Variants in FCHO1 observed in about 807,000 individuals in gnomAD.
The protein encoded by FCHO1 is FCH and mu domain containing endocytic adaptor 1, also known as F-BAR domain only protein 1.
A neutral mutation model predicts 114.4 loss-of-function variants in FCHO1; 45 were observed. The ratio of observed to expected loss-of-function variants is 0.39; its 90% CI spans 0.31 to 0.50. The LOEUF (loss-of-function observed/expected upper bound fraction) is 0.50. Among genes scored for constraint, FCHO1 ranks in the 20% least tolerant of loss-of-function variants. The pLI is 0.77. For synonymous variants in FCHO1, 480 were observed against 488.9 expected (o/e 0.98, Z 0.24); for missense variants, 1,042 against 1,209.6 (o/e 0.86, Z 2.06).
chr19:17,768,788 G>A (rs575263519), intron 7 of FCHO1, among the ~76,000 whole-genome samples: 1 of 151,820 alleles, frequency 6.6e-6, no homozygotes, highest in East Asian at 1.9e-4. Flanking sequence ...ATCTGCCTCA[G>A]CCTTCCAAAA....
intron 4 of FCHO1, 146 bp downstream of exon 4, chr19:17,755,337 C>A: frequency 1.3e-6 from 1 of 768,024 alleles, no homozygotes; most frequent in Non-Finnish European, 2.1e-6. Flanking sequence ...AAGAGTCAGG[C>A]TGGGTTTGAA....
In FCHO1 at chr19:17,775,076, CA is replaced by C. The variant is rs1400912270; in HGVS notation, c.942del (p.Thr316HisfsTer16). ...PAAVDFLEPD[S>X]GTCPEVDEEG... The stretch of plus-strand genomic sequence containing the variant: ...CCCAGAGATTTCCTGGAGCCCGATT[CA>C]GGGGTGAGTGATGTGGGAGGGGTCA... On this transcript the variant is annotated frameshift_variant, in exon 14 of 29. Coordinates refer to ENST00000596536, the MANE Select transcript of FCHO1 (RefSeq NM_015122.3). LOFTEE classifies it high-confidence loss of function. The surrounding 1 kb of genome is among the most constrained non-coding windows in gnomAD (Gnocchi z 5.1). 6.2e-7 allele frequency: 1 copy of C among 1,613,182 alleles called. No individual in the cohort carries two copies. Among genetic ancestry groups the C allele is most frequent in the Non-Finnish European group, 8.5e-7 (1 of 1,179,614 alleles).
At chr19:17,770,385 A>G (rs2091144116) in intron 7 of FCHO1, 40 bp from the exon 8 acceptor site, 1 of 1,572,176 alleles carries the variant, frequency 6.4e-7, no homozygotes, top group Non-Finnish European at 8.7e-7. Flanking sequence ...GAGGTCAGGA[A>G]TTTCACAGTC....
Position 17,770,915 on chromosome 19 carries a change from TACCTTTAA to T in FCHO1, c.594+20_594+27del. ...AGCCCTGGTAAGAACCAGGCATCTG[TACCTTTAA>T]GACCCACACATGCCTTTGCCCTGGA... is the stretch of plus-strand genomic sequence containing the variant. On this transcript the variant is annotated intron_variant, in intron 9 of 28. Transcript: ENST00000596536. 6.2e-7 allele frequency: 1 copy of T among 1,602,528 alleles called. No individual in the cohort carries two copies.
Position 17,764,332 on chromosome 19 carries a change from C to T in FCHO1, c.120-43C>T, listed in dbSNP as rs201119223. The stretch of plus-strand genomic sequence containing the variant: ...CTGGGATTACAGGCGTGAACCACTG[C>T]GCCCGGGCAGTTTCTCCATCTTTAC... On this transcript the variant is annotated intron_variant, in intron 5 of 28. Coordinates refer to ENST00000596536, the MANE Select transcript of FCHO1 (RefSeq NM_015122.3). 6.9e-5 allele frequency: 110 copies of T among 1,591,802 alleles called. No individual in the cohort carries two copies. In the East Asian group the frequency reaches 1.8e-3, roughly 26 times the overall value.
In FCHO1 at chr19:17,784,035, G is replaced by T. The variant is rs974916242; in HGVS notation, c.2094-68G>T. 3 of 1,562,640 alleles carry T rather than the reference G, an allele frequency of 1.9e-6. No homozygotes were observed. Among genetic ancestry groups the T allele is most frequent in the African/African-American group, 1.4e-5 (1 of 73,916 alleles). ...GAAATTGCATCTTTAGGAAGGGGTAGATTGAATGCTGGGAGCCCTGGGAGG... is the reference window on the plus strand; with the variant it reads ...GAAATTGCATCTTTAGGAAGGGGTATATTGAATGCTGGGAGCCCTGGGAGG... On this transcript the variant is annotated intron_variant, in intron 24 of 28. Coordinates refer to ENST00000596536, the MANE Select transcript of FCHO1 (RefSeq NM_015122.3). The surrounding 1 kb of genome is among the most constrained non-coding windows in gnomAD (Gnocchi z 5.3).
At chr19:17,757,915 C>CAAAA (rs71162192) in intron 4 of FCHO1, among the ~76,000 whole-genome samples, 1 of 77,912 alleles carries the variant, frequency 1.3e-5, no homozygotes. Flanking sequence ...GACCCTGTCT[C>CAAAA]AAAAAAAAAA....
Position 17,762,924 on chromosome 19 carries a change from C to T in FCHO1, c.119+71C>T, listed in dbSNP as rs531693702. The T allele has an allele frequency of 1.1e-4, 112 of 1,051,264 alleles. No individual in the cohort carries two copies. The Admixed American group carries it at 1.3e-3, about 12-fold the overall frequency. The allele number at this position is 1,051,264 out of a possible 1,614,324, so 65.1% of individuals were successfully genotyped here. Reference sequence around the variant, plus strand: ...TGTAGTCACGCCCACCTAATGGCTACGCCCTGCATGGTCAGGGGCTAGAAC... The same window carrying T: ...TGTAGTCACGCCCACCTAATGGCTATGCCCTGCATGGTCAGGGGCTAGAAC... On this transcript the variant is annotated intron_variant, in intron 5 of 28. Coordinates refer to ENST00000596536, the MANE Select transcript of FCHO1 (RefSeq NM_015122.3).
intron 7 of FCHO1, among the ~76,000 whole-genome samples, chr19:17,769,908 AATC>A (rs1302216840): frequency 6.6e-6 from 1 of 152,112 alleles, no homozygotes; most frequent in Non-Finnish European, 1.5e-5. Flanking sequence ...TCACACCTGT[AATC>A]CCAACACTTT....
intron 9 of FCHO1, among the ~76,000 whole-genome samples, chr19:17,771,766 T>C (rs771876611): frequency 6.6e-6 from 1 of 152,232 alleles, no homozygotes; most frequent in African/African-American, 2.4e-5. Context: ...GTTTCAGTCA[T>C]AGCTGAATCC....
intron 23 of FCHO1, among the ~76,000 whole-genome samples, chr19:17,782,432 G>A (rs1225222523): frequency 6.6e-6 from 1 of 152,154 alleles, no homozygotes; most frequent in Non-Finnish European, 1.5e-5. Context: ...TCGAACTCCT[G>A]GCCTCAAGTA....
Position 17,781,271 on chromosome 19 carries a change from C to T in FCHO1, c.1668C>T (p.Gly556=). ...CTGCTGACCCCACAGCCAGGGAGGGCCTGGCAGCCCCACCCAGGAGACTTC... is the reference window on the plus strand; with the variant it reads ...CTGCTGACCCCACAGCCAGGGAGGGTCTGGCAGCCCCACCCAGGAGACTTC... ...PAPADPTARE[G]LAAPPRRLRS... The change falls in exon 21 of 29, where the codon GGC becomes GGT. Residue 556 remains glycine (G), a synonymous_variant. Transcript: ENST00000596536. The T allele has an allele frequency of 6.2e-7, 1 of 1,613,986 alleles. No individual in the cohort carries two copies. The highest frequency in any genetic ancestry group is 8.5e-7 in the Non-Finnish European group (1 of 1,179,930).
At chr19:17,760,624 C>T (rs990725636) in intron 4 of FCHO1, among the ~76,000 whole-genome samples, 4 of 152,102 alleles carry the variant, frequency 2.6e-5, no homozygotes, top group Non-Finnish European at 5.9e-5. Context: ...GCCTTTGGGG[C>T]TTTGGGGAGC....
Position 17,762,862 on chromosome 19 carries a change from CCCAAGCCCCATCCACCAGAGG to C in FCHO1, c.119+13_119+33del. On this transcript the variant is annotated intron_variant, in intron 5 of 28. Coordinates refer to ENST00000596536, the MANE Select transcript of FCHO1 (RefSeq NM_015122.3). ...GACTTCATCCGGGAGAGGTGAGGTCCCCAAGCCCCATCCACCAGAGGCCACGCCCACCATCCTGTAGTCACG... is the reference window on the plus strand; with the variant it reads ...GACTTCATCCGGGAGAGGTGAGGTCCCCACGCCCACCATCCTGTAGTCACG... The C allele has an allele frequency of 6.3e-7, 1 of 1,596,358 alleles. No individual in the cohort carries two copies. Among genetic ancestry groups the C allele is most frequent in the Non-Finnish European group, 8.6e-7 (1 of 1,164,274 alleles).
intron 26 of FCHO1, among the ~76,000 whole-genome samples, chr19:17,786,330 C>T (rs2093886926): frequency 7.1e-6 from 1 of 141,538 alleles, no homozygotes; most frequent in South Asian, 2.1e-4. Flanking sequence ...GAGACACCAT[C>T]TCAAAAAAAC....
intron 4 of FCHO1, among the ~76,000 whole-genome samples, chr19:17,762,487 AAGAC>A (rs2086706093): frequency 6.6e-6 from 1 of 152,088 alleles, no homozygotes; most frequent in South Asian, 2.1e-4. Context: ...CAGAGACACA[AAGAC>A]AGAAGGAGAC....
rs2092985198 is a variant in FCHO1 at position 17,778,767 on chromosome 19, A to C, written c.1510A>C (p.Ser504Arg). 1 of 1,538,708 alleles carries C rather than the reference A, an allele frequency of 6.5e-7. No individual in the cohort carries two copies. Among genetic ancestry groups the C allele is most frequent in the African/African-American group, 1.4e-5 (1 of 73,168 alleles). ...CCCAGGCACCCCGCAGAGCCCGCCC[A>C]GCTGTAGGGCGCCACCCCCAGAGGC... The part of the protein sequence containing the change: ...PRPGTPQSPP[S>R]CRAPPPEARG... The change falls in exon 20 of 29, where the codon AGC becomes CGC. Residue 504 changes from serine to arginine, a missense_variant. Physicochemically the swap from Ser to Arg is moderately radical, Grantham distance 110. This residue lies in a region of FCHO1 where 455 missense variants were observed against 455.4 expected (regional missense o/e 1.00). Transcript: ENST00000596536.
chr19:17,778,563 C>T (rs368519277), intron 19 of FCHO1, 46 bp from the exon 20 acceptor site: 236 of 1,483,168 alleles, frequency 1.6e-4, no homozygotes, highest in Middle Eastern at 1.2e-3. Context: ...GGCAGGGACT[C>T]TGAGTGGGCG....
intron 7 of FCHO1, among the ~76,000 whole-genome samples, chr19:17,767,884 A>T (rs1211394849): frequency 6.6e-6 from 1 of 152,176 alleles, no homozygotes; most frequent in African/African-American, 2.4e-5. Context: ...AGATATTCAT[A>T]TTTACTATTT....
Sources: allele counts gnomAD v4.1 joint callset (sites outside exome capture counted in the v4.1 genomes callset), GRCh38; gene constraint gnomAD v4.1.1; regional missense constraint gnomAD v4.1.1; non-coding constraint Gnocchi (gnomAD v3.1); transcripts MANE v1.5; gene names NCBI Gene and HGNC (gene_info 2026-07-23, HGNC 2026-07-21).